The following MITF variants were observed in gnomAD, a reference collection of about 807,000 sequenced individuals.
The protein encoded by MITF is microphthalmia-associated transcription factor.
In MITF, 17 loss-of-function variants were observed where a neutral mutation model predicts 60.5. The observed-to-expected ratio is 0.28, with a 90% confidence interval of 0.19 to 0.42. MITF has a LOEUF of 0.42. Among genes scored for constraint, MITF ranks in the 10% least tolerant of loss-of-function variants. MITF has a pLI of 1.00. For synonymous variants in MITF, 260 were observed against 248.5 expected, an observed-to-expected ratio of 1.05 and a Z score of -0.43; for missense variants, 622 against 683.5, an observed-to-expected ratio of 0.91 and a Z score of 1.00.
chr3:69,892,591 T>G (rs1228668089), intron 2 of MITF, among the ~76,000 whole-genome samples: 1 of 152,254 alleles, frequency 6.6e-6, no homozygotes. Flanking sequence ...CTGCTTTGGT[T>G]GCTCCTCTGA....
At chr3:69,846,486 T>C (rs553631356) in intron 1 of MITF, among the ~76,000 whole-genome samples, 89 of 152,232 alleles carry the variant, frequency 5.8e-4, no homozygotes, top group Non-Finnish European at 9.4e-4. Context: ...ATTTGTGCAG[T>C]TAACAGATAG....
At chr3:69,825,880 T>C (rs544713924) in intron 1 of MITF, among the ~76,000 whole-genome samples, 37 of 152,330 alleles carry the variant, frequency 2.4e-4, no homozygotes, top group Admixed American at 7.2e-4. Context: ...CTCCAAACTT[T>C]ACTTTTTAAT....
intron 1 of MITF, among the ~76,000 whole-genome samples, chr3:69,792,249 T>A (rs1321477854): frequency 2.6e-5 from 4 of 152,220 alleles, no homozygotes; most frequent in Non-Finnish European, 5.9e-5. Context: ...AAGGGCCAGA[T>A]GTTTGGAGTT....
intron 1 of MITF, chr3:69,758,606 CTTATT>C (rs2062166202): frequency 5.2e-6 from 1 of 192,470 alleles, no homozygotes; most frequent in East Asian, 8.3e-5. Flanking sequence ...TCCGGTAATA[CTTATT>C]TTATTATTGG....
chr3:69,872,789 A>G (rs77421044), intron 1 of MITF, among the ~76,000 whole-genome samples: 2,718 of 152,290 alleles, frequency 0.018, 38 homozygotes, highest in Middle Eastern at 0.048. Context: ...AGGTCTCAGC[A>G]TTAGAAAGAA....
At chr3:69,753,238 TTGGTGGCTTCCATG>T (rs1188712659) in intron 1 of MITF, among the ~76,000 whole-genome samples, 1 of 152,186 alleles carries the variant, frequency 6.6e-6, no homozygotes, top group East Asian at 1.9e-4. Flanking sequence ...GCTGTAAGCC[TTGGTGGCTTCCATG>T]TGGTGTTAAG....
intron 1 of MITF, among the ~76,000 whole-genome samples, chr3:69,794,308 G>A (rs1347687998): frequency 6.6e-6 from 1 of 152,226 alleles, no homozygotes; most frequent in East Asian, 1.9e-4. Context: ...GTGGTGTTAT[G>A]TATGTGAACA....
At chr3:69,853,965 A>C (rs1441741355) in intron 1 of MITF, among the ~76,000 whole-genome samples, 2 of 147,872 alleles carry the variant, frequency 1.4e-5, no homozygotes, top group East Asian at 2.0e-4. Context: ...TGTTCAAGTG[A>C]CTCTCCTGCC....
chr3:69,802,966 G>A (rs1024757689), intron 1 of MITF, among the ~76,000 whole-genome samples: 2 of 151,846 alleles, frequency 1.3e-5, no homozygotes, highest in Non-Finnish European at 2.9e-5. Flanking sequence ...TAGTAGGGAC[G>A]GGGTTTCTCC....
intron 1 of MITF, among the ~76,000 whole-genome samples, chr3:69,830,518 T>G (rs924588754): frequency 2.0e-5 from 3 of 152,228 alleles, no homozygotes; most frequent in Non-Finnish European, 2.9e-5. Context: ...TCTGGCTTAT[T>G]GTTAACCCTG....
chr3:69,800,351 A>C (rs2062898910), intron 1 of MITF, among the ~76,000 whole-genome samples: 1 of 152,062 alleles, frequency 6.6e-6, no homozygotes, highest in Non-Finnish European at 1.5e-5. Flanking sequence ...TTCATTTTTC[A>C]GCTGATGGAC....
At chr3:69,880,178 T>A (rs2064454213) in intron 2 of MITF, among the ~76,000 whole-genome samples, 1 of 152,200 alleles carries the variant, frequency 6.6e-6, no homozygotes. Context: ...GCTCACCTAA[T>A]TCTGAAAAGT....
chr3:69,767,992 C>A (rs751156306), intron 1 of MITF, among the ~76,000 whole-genome samples: 1 of 152,194 alleles, frequency 6.6e-6, no homozygotes, highest in Non-Finnish European at 1.5e-5. Context: ...TTACTGCTGA[C>A]AATAAAGTGA....
chr3:69,894,557 G>T (rs1014346152), intron 2 of MITF, among the ~76,000 whole-genome samples: 1 of 151,758 alleles, frequency 6.6e-6, no homozygotes, highest in African/African-American at 2.4e-5. Context: ...TTGGTGGCGG[G>T]CACCTGTAAT....
At chr3:69,856,928 T>C (rs1383304843) in intron 1 of MITF, among the ~76,000 whole-genome samples, 3 of 152,176 alleles carry the variant, frequency 2.0e-5, no homozygotes, top group Non-Finnish European at 4.4e-5. Flanking sequence ...TCTCTGTTTT[T>C]TTGTGTGTGT....
At chr3:69,953,880 T>C (rs1032929277) in intron 7 of MITF, among the ~76,000 whole-genome samples, 1 of 152,016 alleles carries the variant, frequency 6.6e-6, no homozygotes, top group Admixed American at 6.6e-5. Flanking sequence ...TAATATCCCA[T>C]TGTGTAAAAA....
chr3:69,755,632 A>G (rs1704116671), intron 1 of MITF, among the ~76,000 whole-genome samples: 1 of 152,018 alleles, frequency 6.6e-6, no homozygotes, highest in South Asian at 2.1e-4. Flanking sequence ...TAAAGGGGAA[A>G]AAAAAAGCAG....
intron 1 of MITF, among the ~76,000 whole-genome samples, chr3:69,783,627 A>C (rs1325494101): frequency 1.3e-5 from 2 of 152,100 alleles, no homozygotes; most frequent in Non-Finnish European, 2.9e-5. Context: ...ATCTGCCCAA[A>C]GACTAATGGT....
Position 69,949,796 on chromosome 3 carries a change from T to G in MITF, c.880+628T>G, listed in dbSNP as rs139346286. On this transcript the variant is annotated intron_variant, in intron 6 of 9. Transcript: ENST00000352241. The stretch of plus-strand genomic sequence containing the variant: ...TTTAGGGAAGGCATTTATTTGGTCA[T>G]TAAAACATGGCGGAAACTATATTAG... Among the ~76,000 whole-genome samples the G allele has an allele frequency of 3.3e-5, 5 of 152,292 alleles. No homozygotes were observed. In the East Asian group the frequency reaches 7.7e-4, roughly 24 times the overall value.
Sources: gnomAD v4.1 joint callset for allele counts (sites outside exome capture counted in the v4.1 genomes callset) on GRCh38, gnomAD v4.1.1 for gene constraint, MANE v1.5 for transcripts, NCBI Gene and HGNC (gene_info 2026-07-23, HGNC 2026-07-21) for gene names.